DTHD1: variants seen among roughly 807,000 people sequenced by gnomAD.
DTHD1 encodes the protein death domain-containing protein 1.
DTHD1 carries 59 observed loss-of-function variants against 74.8 expected under a neutral mutation model. The observed-to-expected ratio is 0.79, with a 90% CI of 0.64 to 0.98. The LOEUF (loss-of-function observed/expected upper bound fraction) is 0.98, where lower values mean the gene tolerates loss of function less well. Among genes scored for constraint, DTHD1 ranks in the 50% least tolerant of loss-of-function variants. DTHD1 has a pLI of 0.00. For missense variants in DTHD1, 1,051 were observed against 1,065.4 expected, an observed-to-expected ratio of 0.99 and a Z score of 0.19; for synonymous variants, 365 against 371.1, an observed-to-expected ratio of 0.98 and a Z score of 0.19.
rs1284857868 is a variant in DTHD1, at chr4:36,347,434, G to C, written c.*3610G>C. ...CTGTAGTCCCAATATATACCTAAGA[G>C]CAAAGTGATAGTTTACCATAGTTCA... is the stretch of plus-strand genomic sequence containing the variant. On this transcript the variant is annotated 3_prime_UTR_variant, in exon 10 of 10. Coordinates refer to ENST00000639862, the MANE Select transcript of DTHD1 (RefSeq NM_001170700.3). Among the ~76,000 whole-genome samples the C allele has an allele frequency of 6.6e-6, 1 of 152,024 alleles. No homozygotes were observed. Among genetic ancestry groups the C allele is most frequent in the African/African-American group, 2.4e-5 (1 of 41,404 alleles).
intron 7 of DTHD1, among the ~76,000 whole-genome samples, chr4:36,310,291 C>T (rs1211902315): frequency 1.3e-5 from 2 of 151,556 alleles, no homozygotes; most frequent in Admixed American, 6.6e-5. Flanking sequence ...CTAAAGAGTT[C>T]AAAGGAAAGA....
At chr4:36,334,822 A>C (rs182727239) in intron 8 of DTHD1, among the ~76,000 whole-genome samples, 140 of 152,350 alleles carry the variant, frequency 9.2e-4, no homozygotes, top group Non-Finnish European at 1.2e-4. Context: ...CTTGCTGTGC[A>C]GATTGTGTGA....
intron 1 of DTHD1, among the ~76,000 whole-genome samples, chr4:36,283,611 A>G (rs1187419839): frequency 6.6e-6 from 1 of 152,216 alleles, no homozygotes; most frequent in African/African-American, 2.4e-5. Flanking sequence ...TCCAGTGGTA[A>G]AAGAAGAGTT....
rs1161370796 is a variant in DTHD1, at chr4:36,292,707, G to A, written c.1219-819G>A. ...TGGTAGACTATTTTCCATTGTGATT[G>A]TCCCTGAAATGTTTTTTCGTGTATG... is the stretch of plus-strand genomic sequence containing the variant. On this transcript the variant is annotated intron_variant, in intron 3 of 9. Coordinates refer to ENST00000639862, the MANE Select transcript of DTHD1 (RefSeq NM_001170700.3). 2.0e-5 allele frequency among the ~76,000 whole-genome samples: 3 copies of A among 152,182 alleles called. No homozygotes were observed. In the East Asian group the frequency reaches 5.8e-4, roughly 29 times the overall value.
intron 8 of DTHD1, among the ~76,000 whole-genome samples, chr4:36,322,595 A>G (rs1578477967): frequency 6.6e-6 from 1 of 152,022 alleles, no homozygotes; most frequent in Non-Finnish European, 1.5e-5. Context: ...CAAGGACTCG[A>G]AGGAAGGCTG....
chr4:36,301,163 C>G (rs867355137), intron 5 of DTHD1, among the ~76,000 whole-genome samples: 1 of 152,138 alleles, frequency 6.6e-6, no homozygotes, highest in African/African-American at 2.4e-5. Flanking sequence ...TAATTGTGCA[C>G]TGTTAGGCTT....
intron 8 of DTHD1, among the ~76,000 whole-genome samples, chr4:36,329,528 T>C (rs955507664): frequency 6.6e-6 from 1 of 152,198 alleles, no homozygotes; most frequent in Admixed American, 6.5e-5. Context: ...GACTTATCAT[T>C]CATACCCCCT....
intron 5 of DTHD1, among the ~76,000 whole-genome samples, chr4:36,300,111 A>T (rs757545914): frequency 2.6e-5 from 4 of 152,216 alleles, no homozygotes; most frequent in Admixed American, 1.3e-4. Flanking sequence ...TAAGTCTAAC[A>T]TCTGAAGTCT....
chr4:36,321,723 G>A (rs1242013497), intron 8 of DTHD1, among the ~76,000 whole-genome samples: 1 of 152,098 alleles, frequency 6.6e-6, no homozygotes, highest in Non-Finnish European at 1.5e-5. Flanking sequence ...CAAAATAGTT[G>A]GGGACTACTG....
intron 7 of DTHD1, chr4:36,311,343 T>C (rs1444151230): frequency 6.6e-6 from 1 of 152,166 alleles, no homozygotes; most frequent in Admixed American, 6.5e-5. Flanking sequence ...CAGTAAACAA[T>C]TGATACCTCA....
At chr4:36,313,592 C>A (rs898599904) in intron 7 of DTHD1, among the ~76,000 whole-genome samples, 1 of 152,214 alleles carries the variant, frequency 6.6e-6, no homozygotes, top group Non-Finnish European at 1.5e-5. Flanking sequence ...GAAGATTATG[C>A]TATTTACTGC....
At chr4:36,288,030 G>C (rs952301862) in intron 2 of DTHD1, among the ~76,000 whole-genome samples, 1 of 152,040 alleles carries the variant, frequency 6.6e-6, no homozygotes, top group African/African-American at 2.4e-5. Flanking sequence ...TTTGCTTTTG[G>C]GTTCTTGGTC....
intron 8 of DTHD1, among the ~76,000 whole-genome samples, chr4:36,327,170 T>C (rs1758401418): frequency 6.6e-6 from 1 of 152,072 alleles, no homozygotes; most frequent in Admixed American, 6.5e-5. Flanking sequence ...TTTCACCATA[T>C]TGGTCAGACT....
intron 7 of DTHD1, among the ~76,000 whole-genome samples, chr4:36,312,780 C>A (rs1757479767): frequency 1.3e-5 from 2 of 152,134 alleles, no homozygotes; most frequent in African/African-American, 4.8e-5. Context: ...GAGGTGAGAA[C>A]TGATCATGCC....
intron 5 of DTHD1, among the ~76,000 whole-genome samples, chr4:36,296,232 T>G (rs934729694): frequency 5.3e-5 from 8 of 152,148 alleles, no homozygotes; most frequent in Non-Finnish European, 1.0e-4. Context: ...GAATCAGGGT[T>G]TTCATCCTAC....
chr4:36,299,512 T>C (rs1254272150), intron 5 of DTHD1, among the ~76,000 whole-genome samples: 1 of 152,218 alleles, frequency 6.6e-6, no homozygotes, highest in East Asian at 1.9e-4. Flanking sequence ...TTTAAACTTT[T>C]TCTGAATACA....
In DTHD1 at chr4:36,306,409, G is replaced by A. The variant is rs566717199; in HGVS notation, c.1805+57G>A. The A allele has an allele frequency of 3.5e-6, 5 of 1,432,536 alleles. No homozygotes were observed. The South Asian group carries it at 7.6e-5, about 22-fold the overall frequency. The allele number at this position is 1,432,536 out of a possible 1,614,324, so 88.7% of individuals were successfully genotyped here. ...ATACTCTTTCTGATGGTCATAACTG[G>A]TGTTTATAGAAATGGAATAGTAAGA... On this transcript the variant is annotated intron_variant, in intron 6 of 9. Coordinates refer to ENST00000639862, the MANE Select transcript of DTHD1 (RefSeq NM_001170700.3).
intron 5 of DTHD1, among the ~76,000 whole-genome samples, chr4:36,299,485 T>C (rs1024389890): frequency 6.6e-6 from 1 of 152,202 alleles, no homozygotes; most frequent in African/African-American, 2.4e-5. Flanking sequence ...CTATGTATGA[T>C]CTGTCTAGAT....
intron 9 of DTHD1, among the ~76,000 whole-genome samples, chr4:36,342,218 G>A (rs1759351884): frequency 6.6e-6 from 1 of 152,206 alleles, no homozygotes; most frequent in African/African-American, 2.4e-5. Context: ...CTGCATGGAG[G>A]TAGCAGAACT....
Sources: allele counts gnomAD v4.1 joint callset (sites outside exome capture counted in the v4.1 genomes callset), GRCh38; gene constraint gnomAD v4.1.1; transcripts MANE v1.5; gene names NCBI Gene and HGNC (gene_info 2026-07-23, HGNC 2026-07-21).